Variants in CAP2 observed in about 807,000 individuals in gnomAD.
CAP2 encodes cyclase associated actin cytoskeleton regulatory protein 2.
Under a neutral mutation model 57.7 loss-of-function variants are expected in CAP2, and 24 were observed. The observed-to-expected ratio is 0.42, with a 90% confidence interval of 0.30 to 0.58. The LOEUF (loss-of-function observed/expected upper bound fraction) is 0.58. CAP2 is among the 20% of genes least tolerant of loss of function. CAP2 has a pLI of 0.22. For synonymous variants in CAP2, 194 were observed against 207.2 expected, an observed-to-expected ratio of 0.94 and a Z score of 0.55; for missense variants, 501 against 590.3, an observed-to-expected ratio of 0.85 and a Z score of 1.57.
chr6:17,408,460 A>G (rs1759047161), intron 1 of CAP2, among the ~76,000 whole-genome samples: 1 of 151,704 alleles, frequency 6.6e-6, no homozygotes, highest in African/African-American at 2.4e-5. Context: ...TGACCCAAAC[A>G]CCTTCCACCT....
intron 8 of CAP2, among the ~76,000 whole-genome samples, chr6:17,539,917 C>CA (rs1243308990): frequency 2.0e-5 from 3 of 151,992 alleles, no homozygotes; most frequent in African/African-American, 7.2e-5. Flanking sequence ...CCATCTTTAC[C>CA]AAAAATAAAC....
chr6:17,529,651 A>AAAAAAAAAATAT (rs10656588), intron 7 of CAP2, among the ~76,000 whole-genome samples: 71 of 134,520 alleles, frequency 5.3e-4, no homozygotes, highest in Middle Eastern at 3.7e-3. Flanking sequence ...AAAAAAAAAA[A>AAAAAAAAAATAT]ATATATATAT....
At chr6:17,397,566 G>A (rs1758700676) in intron 1 of CAP2, among the ~76,000 whole-genome samples, 1 of 151,770 alleles carries the variant, frequency 6.6e-6, no homozygotes, top group African/African-American at 2.4e-5. Context: ...GTGGTGGCGG[G>A]CACCTATAGT....
chr6:17,458,379 T>C (rs1760631820), intron 3 of CAP2, among the ~76,000 whole-genome samples: 1 of 152,232 alleles, frequency 6.6e-6, no homozygotes, highest in Admixed American at 6.5e-5. Context: ...TTAATGATGA[T>C]TGAATTTGTG....
chr6:17,544,132 AAAAAAG>A (rs918016286), intron 11 of CAP2, among the ~76,000 whole-genome samples: 12 of 151,178 alleles, frequency 7.9e-5, no homozygotes, highest in Admixed American at 4.0e-4. Flanking sequence ...CTCAAAAAAA[AAAAAAG>A]AAAAGAAAAA....
intron 7 of CAP2, among the ~76,000 whole-genome samples, chr6:17,529,467 C>G (rs1234873979): frequency 6.6e-6 from 1 of 151,858 alleles, no homozygotes; most frequent in Admixed American, 6.6e-5. Context: ...TGGTAAAACC[C>G]CATCTCTACT....
At chr6:17,535,020 G>A (rs1762739069) in intron 7 of CAP2, among the ~76,000 whole-genome samples, 1 of 152,114 alleles carries the variant, frequency 6.6e-6, no homozygotes. Context: ...CCAGCATCCA[G>A]GGTGACTTAA....
At chr6:17,399,616 C>G (rs1758758400) in intron 1 of CAP2, among the ~76,000 whole-genome samples, 1 of 152,130 alleles carries the variant, frequency 6.6e-6, no homozygotes, top group African/African-American at 2.4e-5. Flanking sequence ...ATAATCCTGG[C>G]TTCTCATTGA....
In CAP2 at chr6:17,551,501, C is replaced by A. The variant is rs1763170372; in HGVS notation, c.1247C>A (p.Thr416Lys). 6.2e-7 allele frequency: 1 copy of A among 1,609,530 alleles called. No homozygotes were observed. Among genetic ancestry groups the A allele is most frequent in the Non-Finnish European group, 8.5e-7 (1 of 1,176,848 alleles). ...GTGCCAACAATTTCCATTAATAAGA[C>A]AGAAGGTTGCCACATATACCTCAGT... ...GRVPTISINK[T>K]EGCHIYLSED... The change falls in exon 12 of 13, where the codon ACA becomes AAA. Residue 416 changes from threonine to lysine, a missense_variant. By Grantham distance (78) the Thr-to-Lys change is moderately conservative (BLOSUM62 -1). Transcript: ENST00000229922.
intron 4 of CAP2, among the ~76,000 whole-genome samples, chr6:17,491,527 T>C (rs911857359): frequency 2.0e-5 from 3 of 152,218 alleles, no homozygotes; most frequent in African/African-American, 7.2e-5. Flanking sequence ...GCACATATTG[T>C]CTTATGTAAT....
intron 3 of CAP2, among the ~76,000 whole-genome samples, chr6:17,428,183 A>G (rs1286781646): frequency 6.6e-6 from 1 of 152,228 alleles, no homozygotes; most frequent in African/African-American, 2.4e-5. Context: ...AGGAAAAGCA[A>G]AAACACAGAA....
At position 17,548,241 on chromosome 6, in the gene CAP2, C is replaced by T. The variant is rs1038511515; in HGVS notation, c.1210-3223C>T. Among the ~76,000 whole-genome samples, 3 of 151,962 alleles carry T rather than the reference C, an allele frequency of 2.0e-5. No individual in the cohort carries two copies. In the East Asian group the frequency reaches 5.8e-4, roughly 30 times the overall value. On this transcript the variant is annotated intron_variant, in intron 11 of 12. Transcript: ENST00000229922. ...AAAATAGCTCGTCATGGTGCAGGCG[C>T]CTGTAGTCTCAGCTACTCAGGAGGC... is the stretch of plus-strand genomic sequence containing the variant.
chr6:17,490,107 T>A (rs1026749861), intron 4 of CAP2, among the ~76,000 whole-genome samples: 2 of 152,200 alleles, frequency 1.3e-5, no homozygotes, highest in African/African-American at 4.8e-5. Context: ...TAGTCTATAT[T>A]AATATGCATA....
At chr6:17,447,369 A>G (rs1760288798) in intron 3 of CAP2, among the ~76,000 whole-genome samples, 1 of 151,902 alleles carries the variant, frequency 6.6e-6, no homozygotes, top group African/African-American at 2.4e-5. Context: ...TTCTTGCCTT[A>G]TTTTCGTTTT....
intron 3 of CAP2, among the ~76,000 whole-genome samples, chr6:17,444,304 C>T (rs1037691133): frequency 3.9e-5 from 6 of 152,062 alleles, no homozygotes; most frequent in Non-Finnish European, 5.9e-5. Context: ...TTTACTGTGG[C>T]GGACAGCTTG....
rs532998310 is a variant in CAP2, at chr6:17,484,021, C to G, written c.300+20948C>G. 9.3e-4 allele frequency among the ~76,000 whole-genome samples: 141 copies of G among 152,052 alleles called. 6 individuals carry two copies. The South Asian group carries it at 0.028, about 30-fold the overall frequency. ...GTCCCAGAGAGCAGAGTGGCAACTG[C>G]TACACTCCCAAGCTTATGTCCTTGG... is the stretch of plus-strand genomic sequence containing the variant. On this transcript the variant is annotated intron_variant, in intron 4 of 12. Coordinates refer to ENST00000229922, the MANE Select transcript of CAP2 (RefSeq NM_006366.3).
intron 3 of CAP2, among the ~76,000 whole-genome samples, chr6:17,443,208 C>T (rs931797480): frequency 3.3e-5 from 5 of 152,010 alleles, no homozygotes; most frequent in East Asian, 1.9e-4. Context: ...GCCACTATCA[C>T]GGTATTGCAC....
chr6:17,457,509 C>T lies in CAP2; in HGVS notation c.223-5487C>T, dbSNP rs558326437. Among the ~76,000 whole-genome samples, 10 of 152,274 alleles carry T rather than the reference C, an allele frequency of 6.6e-5. 1 individual carries two copies. Among genetic ancestry groups the T allele is most frequent in the South Asian group, 4.2e-4 (2 of 4,818 alleles). On this transcript the variant is annotated intron_variant, in intron 3 of 12. Coordinates refer to ENST00000229922, the MANE Select transcript of CAP2 (RefSeq NM_006366.3). Reference sequence around the variant, plus strand: ...TTGGAATGAAAGTCCTTTGACATGTCGACCGATAAGGTTAAAAACGAATGT... The same window carrying T: ...TTGGAATGAAAGTCCTTTGACATGTTGACCGATAAGGTTAAAAACGAATGT...
At chr6:17,449,185 G>T (rs1760340511) in intron 3 of CAP2, among the ~76,000 whole-genome samples, 1 of 152,180 alleles carries the variant, frequency 6.6e-6, no homozygotes. Context: ...TTGGACTAAG[G>T]TGACACAAGT....
Sources: gnomAD v4.1 joint callset for allele counts (sites outside exome capture counted in the v4.1 genomes callset) on GRCh38, gnomAD v4.1.1 for gene constraint, MANE v1.5 for transcripts, NCBI Gene and HGNC (gene_info 2026-07-23, HGNC 2026-07-21) for gene names.